Variants in ATP1A2 observed in about 807,000 individuals in gnomAD.
ATP1A2 encodes ATPase Na+/K+ transporting subunit alpha 2, also known as sodium/potassium-transporting ATPase subunit alpha-2.
ATP1A2 carries 56 observed loss-of-function variants against 113.1 expected under a neutral mutation model. The observed-to-expected ratio is 0.49, with a 90% CI of 0.40 to 0.62. ATP1A2 has a LOEUF of 0.62. Among genes scored for constraint, ATP1A2 ranks in the 20% least tolerant of loss-of-function variants. The pLI, the probability that ATP1A2 is intolerant of heterozygous loss-of-function variation, is 0.00. For missense variants in ATP1A2, 712 were observed against 1,357.8 expected (o/e 0.52, Z 7.47); for synonymous variants, 490 against 526.8 (o/e 0.93, Z 0.96).
rs1474430613 is a variant in ATP1A2 at position 160,141,515 on chromosome 1, C to T, written c.*193C>T. ...ATGACCCCATAGACCTAACTGTGAA[C>T]AATCAGATTAGACACTATGTGTTAG... On this transcript the variant is annotated 3_prime_UTR_variant, in exon 23 of 23. Transcript: ENST00000361216. 5 of 688,946 alleles carry T rather than the reference C, an allele frequency of 7.3e-6. No homozygotes were observed. Among genetic ancestry groups the T allele is most frequent in the Admixed American group, 4.2e-5 (2 of 47,810 alleles). 42.7% of individuals were successfully genotyped at this position (688,946 alleles called of 1,614,324 possible).
chr1:160,136,802 G>T, intron 19 of ATP1A2, 87 bp downstream of exon 19: 1 of 1,609,932 alleles, frequency 6.2e-7, no homozygotes, highest in Non-Finnish European at 8.5e-7. Flanking sequence ...GTGGCCAACT[G>T]GGACTGGGGC....
chr1:160,124,483 C>T, intron 6 of ATP1A2, 53 bp downstream of exon 6: 1 of 1,567,224 alleles, frequency 6.4e-7, no homozygotes, highest in Non-Finnish European at 8.7e-7. Flanking sequence ...AGGCTGTGTG[C>T]AGAGCTGAGA....
At chr1:160,125,363 C>A in intron 7 of ATP1A2, 110 bp downstream of exon 7, 2 of 1,029,706 alleles carry the variant, frequency 1.9e-6, no homozygotes, top group Non-Finnish European at 3.0e-6. Context: ...ATTGGTGGGG[C>A]AATTGAGGGG....
In ATP1A2 at chr1:160,130,357, G is replaced by C. The variant is rs1651733940; in HGVS notation, c.1652-65G>C. On this transcript the variant is annotated intron_variant, in intron 12 of 22. Transcript: ENST00000361216. Reference sequence around the variant, plus strand: ...AGCCTCTGCGGCATCCCTGGGGTGGGGGACTGTGGGGGCGTCCAGGAAGCC... The same window carrying C: ...AGCCTCTGCGGCATCCCTGGGGTGGCGGACTGTGGGGGCGTCCAGGAAGCC... 9 of 1,614,018 alleles carry C rather than the reference G, an allele frequency of 5.6e-6. No homozygotes were observed. In the Admixed American group the frequency reaches 1.5e-4, roughly 27 times the overall value.
intron 18 of ATP1A2, 30 bp downstream of exon 18, chr1:160,136,400 A>G: frequency 6.2e-7 from 1 of 1,613,496 alleles, no homozygotes; most frequent in Non-Finnish European, 8.5e-7. Flanking sequence ...TCGGGAGGGA[A>G]CCCCAACAGG....
In ATP1A2 at chr1:160,143,108, A is replaced by G. The variant is rs1460988658; in HGVS notation, c.*1786A>G. The G allele has an allele frequency of 6.6e-6, 1 of 152,320 alleles. No homozygotes were observed. The highest frequency in any genetic ancestry group is 1.5e-5 in the Non-Finnish European group (1 of 68,080). The allele number at this position is 152,320 out of a possible 1,614,324, so 9.4% of individuals were successfully genotyped here. ...GGAAAATGGAAGACCTAAGGCAGAC[A>G]GGAAGGAAGCACAAAAGACAAGCAT... is the stretch of plus-strand genomic sequence containing the variant. On this transcript the variant is annotated 3_prime_UTR_variant, in exon 23 of 23. Coordinates refer to ENST00000361216, the MANE Select transcript of ATP1A2 (RefSeq NM_000702.4).
chr1:160,130,526 A>G lies in ATP1A2; in HGVS notation c.1756A>G (p.Met586Val). The change falls in exon 13 of 23, where the codon ATG becomes GTG. Residue 586 changes from methionine (M) to valine (V), a missense_variant. Coordinates refer to ENST00000361216, the MANE Select transcript of ATP1A2 (RefSeq NM_000702.4). ...GGAGAAGCTTTGCTTTGTGGGGCTC[A>G]TGTCTATGATTGACCCTCCCCGGGC... ...PTEKLCFVGL[M>V]SMIDPPRAAV... is the part of the protein sequence containing the mutation. The G allele has an allele frequency of 6.2e-7, 1 of 1,614,158 alleles. No individual in the cohort carries two copies. The highest frequency in any genetic ancestry group is 8.5e-7 in the Non-Finnish European group (1 of 1,180,004).
chr1:160,120,873 C>G (rs114284892), intron 1 of ATP1A2, 33 bp from the exon 2 acceptor site: 2 of 1,521,388 alleles, frequency 1.3e-6, no homozygotes, highest in African/African-American at 2.9e-5. Context: ...CCCCTCTCTT[C>G]CCTGACTCTC....
At position 160,120,955 on chromosome 1, in the gene ATP1A2, G is replaced by T; in HGVS notation, c.62G>T (p.Gly21Val). 3 of 1,612,010 alleles carry T rather than the reference G, an allele frequency of 1.9e-6. No individual in the cohort carries two copies. The highest frequency in any genetic ancestry group is 2.5e-6 in the Non-Finnish European group (3 of 1,178,946). The change falls in exon 2 of 23, where the codon GGC becomes GTC. Residue 21 changes from glycine to valine, a missense_variant. Around this residue, in one of 6 missense-constraint regions of ATP1A2, gnomAD observed 109 missense variants for 162.3 expected, o/e 0.67. Transcript: ENST00000361216. Reference sequence around the variant, plus strand: ...GCCACCACGGCAGAGAATGGGGGCGGCAAGAAGAAACAGAAGGAGAAGGAA... The same window carrying T: ...GCCACCACGGCAGAGAATGGGGGCGTCAAGAAGAAACAGAAGGAGAAGGAA... ...PAATTAENGG[G>V]KKKQKEKELD...
At position 160,139,969 on chromosome 1, in the gene ATP1A2, C is replaced by A. The variant is rs746795369; in HGVS notation, c.3019C>A (p.Arg1007=). The change falls in exon 22 of 23, where the codon CGG becomes AGG. Residue 1007 remains arginine, a synonymous_variant. Transcript: ENST00000361216. ...IYDEVRKLIL[R]RYPGGWVEKE... ...TGATGAGGTCCGAAAGCTCATCCTGCGGCGGTATCCTGGTGGTAAGCCCCT... is the reference window on the plus strand; with the variant it reads ...TGATGAGGTCCGAAAGCTCATCCTGAGGCGGTATCCTGGTGGTAAGCCCCT... The A allele has an allele frequency of 6.8e-6, 11 of 1,613,820 alleles. No individual in the cohort carries two copies. In the South Asian group the frequency reaches 7.7e-5, roughly 11 times the overall value.
chr1:160,125,402 C>T (rs1463346541), intron 7 of ATP1A2, 149 bp downstream of exon 7: 9 of 724,456 alleles, frequency 1.2e-5, no homozygotes, highest in Non-Finnish European at 2.2e-5. Context: ...TATGGAAACA[C>T]CCTCCACAGA....
chr1:160,140,521 G>GT (rs1189454646), intron 22 of ATP1A2: 4 of 172,626 alleles, frequency 2.3e-5, no homozygotes, highest in Non-Finnish European at 5.0e-5. Context: ...TTTTGTGTGT[G>GT]TGGGGGGAGG....
chr1:160,126,580 C>T (rs1651594415), intron 7 of ATP1A2, among the ~76,000 whole-genome samples: 1 of 152,152 alleles, frequency 6.6e-6, no homozygotes. Context: ...AGCGATCTCC[C>T]ACCTCAGCCT....
chr1:160,121,158 T>A, intron 2 of ATP1A2, 34 bp from the exon 3 acceptor site: 1 of 1,613,246 alleles, frequency 6.2e-7, no homozygotes, highest in African/African-American at 1.3e-5. Context: ...CTTAGATACC[T>A]CCTCCCCAAA....
Position 160,128,771 on chromosome 1 carries a change from C to T in ATP1A2, c.1137C>T (p.Leu379=), listed in dbSNP as rs1197213801. 1 of 1,614,058 alleles carries T rather than the reference C, an allele frequency of 6.2e-7. No homozygotes were observed. Among genetic ancestry groups the T allele is most frequent in the Non-Finnish European group, 8.5e-7 (1 of 1,180,034 alleles). ...STICSDKTGT[L]TQNRMTVAHM... ...TCTGCTCGGACAAGACGGGCACCCT[C>T]ACCCAGAACCGCATGACCGTCGCCC... Residue 379 remains leucine (L), a synonymous_variant, in exon 9 of 23, where the codon CTC becomes CTT. Transcript: ENST00000361216.
intron 20 of ATP1A2, among the ~76,000 whole-genome samples, chr1:160,137,521 G>A (rs1651994457): frequency 6.6e-6 from 1 of 152,212 alleles, no homozygotes; most frequent in Non-Finnish European, 1.5e-5. Context: ...ATAGCTCTAT[G>A]AGGTGGGTAT....
chr1:160,116,612 T>C (rs1651195017), intron 1 of ATP1A2, among the ~76,000 whole-genome samples: 1 of 151,526 alleles, frequency 6.6e-6, no homozygotes, highest in Non-Finnish European at 1.5e-5. Context: ...TTAACAACAA[T>C]GGGGCGGGCA....
In ATP1A2 at chr1:160,120,940, C is replaced by T; in HGVS notation, c.47C>T (p.Ala16Val). The T allele has an allele frequency of 1.9e-6, 3 of 1,609,618 alleles. No individual in the cohort carries two copies. The highest frequency in any genetic ancestry group is 2.5e-6 in the Non-Finnish European group (3 of 1,177,836). ...GAGTACTCACCTGCCGCCACCACGG[C>T]AGAGAATGGGGGCGGCAAGAAGAAA... Reference protein sequence around the residue: ...GREYSPAATTAENGGGKKKQK... With the variant: ...GREYSPAATTVENGGGKKKQK... Residue 16 changes from alanine (A) to valine (V), a missense_variant, in exon 2 of 23, where the codon GCA (alanine) becomes GTA (valine). Physicochemically the swap from Ala to Val is moderately conservative, Grantham distance 64. Transcript: ENST00000361216.
rs779812635 is a variant in ATP1A2 at position 160,123,250 on chromosome 1, G to A, written c.215G>A (p.Arg72Gln). The change falls in exon 4 of 23, where the codon CGA (arginine) becomes CAA (glutamine). Residue 72 changes from arginine to glutamine, a missense_variant. Transcript: ENST00000361216. ...CAGCGGGCTCAGGACGTTCTGGCTC[G>A]AGATGGGCCCAACGCCCTCACACCA... The part of the protein sequence containing the change: ...TNQRAQDVLA[R>Q]DGPNALTPPP... The A allele has an allele frequency of 3.7e-6, 6 of 1,614,194 alleles. No homozygotes were observed. The highest frequency in any genetic ancestry group is 5.1e-6 in the Non-Finnish European group (6 of 1,180,024).
Sources: gnomAD v4.1 joint callset for allele counts (sites outside exome capture counted in the v4.1 genomes callset) on GRCh38, gnomAD v4.1.1 for gene constraint, gnomAD v4.1.1 regional missense constraint, MANE v1.5 for transcripts, NCBI Gene and HGNC (gene_info 2026-07-23, HGNC 2026-07-21) for gene names.